Variants in EPS15L1 observed in about 807,000 individuals in gnomAD.
EPS15L1 encodes epidermal growth factor receptor substrate 15-like 1.
Under a neutral mutation model 117.1 loss-of-function variants are expected in EPS15L1, and 43 were observed. That is an observed-to-expected ratio of 0.37 (90% confidence interval 0.29 to 0.47). The LOEUF is 0.47. EPS15L1 is among the 20% of genes least tolerant of loss of function. EPS15L1 has a pLI of 0.99. For missense variants in EPS15L1, 981 were observed against 1,164.0 expected (o/e 0.84, Z 2.29); for synonymous variants, 459 against 470.5 (o/e 0.98, Z 0.32).
chr19:16,434,032 G>T (rs1269545727), intron 7 of EPS15L1, among the ~76,000 whole-genome samples: 3 of 151,850 alleles, frequency 2.0e-5, no homozygotes, highest in Non-Finnish European at 4.4e-5. Context: ...CAGCACAATG[G>T]AAAGGGGGAA....
intron 22 of EPS15L1, among the ~76,000 whole-genome samples, chr19:16,366,910 T>G (rs1044579603): frequency 8.5e-5 from 13 of 152,182 alleles, no homozygotes; most frequent in Non-Finnish European, 1.6e-4. Context: ...TGTAACCACT[T>G]CTGCTAACTC....
rs1052037241 is a variant in EPS15L1, at chr19:16,400,934, T to A, written c.1791+1387A>T. 3.0e-6 allele frequency: 3 copies of A among 985,270 alleles called. No individual in the cohort carries two copies. The African/African-American group carries it at 5.2e-5, about 17-fold the overall frequency. The allele number at this position is 985,270 out of a possible 1,614,324, so 61.0% of individuals were successfully genotyped here. A position where few individuals can be genotyped will look rare whatever the true frequency, so the allele number is the denominator to read the frequency against. On this transcript the variant is annotated intron_variant, in intron 16 of 23. Transcript: ENST00000455140. ...AGGAAGCTGTTCCCTGAACGAAGACTGAGCAGGACAAGCCAAAAGCGGTGC... is the reference window on the plus strand; with the variant it reads ...AGGAAGCTGTTCCCTGAACGAAGACAGAGCAGGACAAGCCAAAAGCGGTGC...
chr19:16,428,830 G>T, intron 7 of EPS15L1, 69 bp from the exon 8 acceptor site: 1 of 1,255,268 alleles, frequency 8.0e-7, no homozygotes, highest in Non-Finnish European at 1.1e-6. Flanking sequence ...CCACCTGCCG[G>T]AACTCAGACT....
rs998346149 is a variant in EPS15L1, at chr19:16,365,654, T to G, written c.2381-3670A>C. Among the ~76,000 whole-genome samples the G allele has an allele frequency of 1.9e-4, 29 of 152,186 alleles. No individual in the cohort carries two copies. The highest frequency in any genetic ancestry group is 7.4e-5 in the Non-Finnish European group (5 of 68,000). ...GTGGGTTTGCAGGGGATAGGGACAG[T>G]GACCTCAGCCAGTCCCTCGAGCCCC... On this transcript the variant is annotated intron_variant, in intron 22 of 23. Transcript: ENST00000455140. This position sits in a 1 kb window ranked among gnomAD's most constrained non-coding sequence, Gnocchi z 4.9.
chr19:16,466,645 G>A (rs376908068), intron 1 of EPS15L1, among the ~76,000 whole-genome samples: 86 of 152,258 alleles, frequency 5.6e-4, no homozygotes, highest in African/African-American at 1.8e-3. Flanking sequence ...CCTCCTGCCT[G>A]TAATCCCAGC....
At chr19:16,455,284 A>AT (rs952523584) in intron 1 of EPS15L1, among the ~76,000 whole-genome samples, 8 of 148,358 alleles carry the variant, frequency 5.4e-5, no homozygotes, top group East Asian at 2.0e-4. Context: ...TGTGTGGCTA[A>AT]TTTTTTTTTT....
Position 16,434,446 on chromosome 19 carries a change from C to T in EPS15L1, c.417G>A (p.Leu139=). The part of the protein sequence containing the change: ...AKFDGIFESL[L]PINGLLSGDK... The stretch of plus-strand genomic sequence containing the variant: ...CTCCAGAGAGCAAACCATTGATGGG[C>T]AAGAGGCTTTCAAAAATCCCATCAA... Residue 139 remains leucine, a synonymous_variant, in exon 7 of 24, where the codon TTG becomes TTA. Transcript: ENST00000455140. 1.2e-6 allele frequency: 2 copies of T among 1,614,044 alleles called. No individual in the cohort carries two copies. Among genetic ancestry groups the T allele is most frequent in the Non-Finnish European group, 1.7e-6 (2 of 1,180,020 alleles).
chr19:16,394,306 T>C (rs568432828), intron 17 of EPS15L1, among the ~76,000 whole-genome samples: 8 of 152,160 alleles, frequency 5.3e-5, no homozygotes, highest in South Asian at 2.1e-4. Context: ...CACTCCTCTC[T>C]TCCCATGCTG....
At chr19:16,429,301 C>T (rs1447114261) in intron 7 of EPS15L1, among the ~76,000 whole-genome samples, 1 of 152,170 alleles carries the variant, frequency 6.6e-6, no homozygotes, top group Non-Finnish European at 1.5e-5. Flanking sequence ...TGGAGCGTGC[C>T]TAAGACACGT....
At chr19:16,414,387 C>G (rs2092737102) in intron 12 of EPS15L1, among the ~76,000 whole-genome samples, 1 of 152,120 alleles carries the variant, frequency 6.6e-6, no homozygotes, top group Admixed American at 6.6e-5. Context: ...CAGCCCAGGA[C>G]AGCCTGTCTG....
At chr19:16,445,818 A>G (rs2093077790) in intron 1 of EPS15L1, among the ~76,000 whole-genome samples, 1 of 152,164 alleles carries the variant, frequency 6.6e-6, no homozygotes, top group African/African-American at 2.4e-5. Flanking sequence ...CCTGCACCGT[A>G]AGAGGCTGCA....
At chr19:16,362,802 A>G (rs1889699578) in intron 22 of EPS15L1, among the ~76,000 whole-genome samples, 1 of 152,048 alleles carries the variant, frequency 6.6e-6, no homozygotes, top group Non-Finnish European at 1.5e-5. Flanking sequence ...GAGCCACTGC[A>G]CCTGGCCTTA....
intron 1 of EPS15L1, among the ~76,000 whole-genome samples, chr19:16,467,535 C>T (rs1429710127): frequency 6.9e-6 from 1 of 145,490 alleles, no homozygotes; most frequent in African/African-American, 2.6e-5. Flanking sequence ...ACAACAACAA[C>T]AAAAACAAAA....
chr19:16,418,118 G>A lies in EPS15L1; in HGVS notation c.951-14C>T. 1 of 1,608,018 alleles carries A rather than the reference G, an allele frequency of 6.2e-7. No homozygotes were observed. Among genetic ancestry groups the A allele is most frequent in the Admixed American group, 1.7e-5 (1 of 59,250 alleles). ...TCGGCCAGGGCCCTGGGAGAAACGT[G>A]GGGATGCTAATTACACATCACAGGC... On this transcript the variant is annotated splice_polypyrimidine_tract_variant and intron_variant, in intron 10 of 23. Coordinates refer to ENST00000455140, the MANE Select transcript of EPS15L1 (RefSeq NM_001258374.3).
intron 17 of EPS15L1, 94 bp from the exon 18 acceptor site, chr19:16,394,095 T>C (rs536504907): frequency 3.7e-6 from 4 of 1,074,364 alleles, no homozygotes; most frequent in East Asian, 2.4e-5. Context: ...AAGCCTTTCA[T>C]TGCCTTCTAC....
chr19:16,391,517 G>A (rs541790130), intron 19 of EPS15L1, among the ~76,000 whole-genome samples: 71 of 152,178 alleles, frequency 4.7e-4, no homozygotes, highest in African/African-American at 1.2e-3. Context: ...GTGAGTGCCC[G>A]TCTCTGAGCA....
At chr19:16,438,274 A>G (rs2092996832) in intron 4 of EPS15L1, among the ~76,000 whole-genome samples, 1 of 152,028 alleles carries the variant, frequency 6.6e-6, no homozygotes, top group Non-Finnish European at 1.5e-5. Flanking sequence ...AATCACTTGA[A>G]CCCAGAGGGT....
rs369030341 is a variant in EPS15L1 at position 16,403,746 on chromosome 19, T to A, written c.1613A>T (p.Asp538Val). 4.0e-5 allele frequency: 65 copies of A among 1,612,812 alleles called. No homozygotes were observed. The highest frequency in any genetic ancestry group is 5.2e-5 in the Non-Finnish European group (61 of 1,180,014). Residue 538 changes from aspartate to valine, a missense_variant, in exon 15 of 24, where the codon GAC becomes GTC. Asp to Val is a radical substitution (Grantham distance 152, BLOSUM62 -3). This residue lies in a region of EPS15L1 where 819 missense variants were observed against 949.0 expected (regional missense o/e 0.86). Coordinates refer to ENST00000455140, the MANE Select transcript of EPS15L1 (RefSeq NM_001258374.3). The part of the protein sequence containing the change: ...TIIKSLKSTQ[D>V]EINQARSKLS... Reference sequence around the variant, plus strand: ...TCCGTGAAGTACCTGGTTGATTTCGTCTTGCGTTGACTTCAGGGACTTGAT... The same window carrying A: ...TCCGTGAAGTACCTGGTTGATTTCGACTTGCGTTGACTTCAGGGACTTGAT...
Position 16,383,361 on chromosome 19 carries a change from G to C in EPS15L1, c.2247+1768C>G, listed in dbSNP as rs904777265. On this transcript the variant is annotated intron_variant, in intron 21 of 23. Transcript: ENST00000455140. This position sits in a 1 kb window ranked among gnomAD's most constrained non-coding sequence, Gnocchi z 5.2. The stretch of plus-strand genomic sequence containing the variant: ...TCCCTCCCTCTGCTCACAGTGAGAG[G>C]AGGAAGACAGATCCAGCCTCCCAAA... The C allele has an allele frequency of 1.3e-5, 2 of 152,190 alleles. No homozygotes were observed. The highest frequency in any genetic ancestry group is 2.9e-5 in the Non-Finnish European group (2 of 68,048). The allele number at this position is 152,190 out of a possible 1,614,324, so 9.4% of individuals were successfully genotyped here.
Sources: gnomAD v4.1 joint callset for allele counts (sites outside exome capture counted in the v4.1 genomes callset) on GRCh38, gnomAD v4.1.1 for gene constraint, gnomAD v4.1.1 regional missense constraint, Gnocchi (gnomAD v3.1) non-coding constraint, MANE v1.5 for transcripts, NCBI Gene and HGNC (gene_info 2026-07-23, HGNC 2026-07-21) for gene names.